The following CUBN variants were observed in gnomAD, a reference collection of about 807,000 sequenced individuals.
CUBN encodes the protein 460 kDa receptor.
Under a neutral mutation model 405.3 loss-of-function variants are expected in CUBN, and 282 were observed. The ratio of observed to expected loss-of-function variants is 0.70; its 90% CI spans 0.63 to 0.77. CUBN has a LOEUF of 0.77. Among genes scored for constraint, CUBN ranks in the 30% least tolerant of loss-of-function variants. CUBN has a pLI of 0.00. For synonymous variants in CUBN, 1,684 were observed against 1,617.0 expected, an observed-to-expected ratio of 1.04 and a Z score of -0.99; for missense variants, 4,514 against 4,475.2, an observed-to-expected ratio of 1.01 and a Z score of -0.25.
intron 23 of CUBN, among the ~76,000 whole-genome samples, chr10:17,046,861 T>A (rs1384964793): frequency 6.6e-6 from 1 of 152,182 alleles, no homozygotes; most frequent in African/African-American, 2.4e-5. Flanking sequence ...GGAGAGATAG[T>A]AACATATAAG....
At chr10:17,125,323 A>G (rs1837154363) in intron 4 of CUBN, among the ~76,000 whole-genome samples, 1 of 152,176 alleles carries the variant, frequency 6.6e-6, no homozygotes, top group African/African-American at 2.4e-5. Context: ...CCTTCATTTT[A>G]TGGATGAAAT....
intron 28 of CUBN, among the ~76,000 whole-genome samples, chr10:16,998,071 AGAAG>A (rs1833783497): frequency 6.6e-6 from 1 of 152,202 alleles, no homozygotes; most frequent in Non-Finnish European, 1.5e-5. Flanking sequence ...TTGAGAAAAA[AGAAG>A]GAAGAAAGAA....
intron 56 of CUBN, among the ~76,000 whole-genome samples, chr10:16,883,608 A>T (rs1180271161): frequency 6.6e-6 from 1 of 152,226 alleles, no homozygotes; most frequent in East Asian, 1.9e-4. Flanking sequence ...CAAAAAGAAA[A>T]ATCTAAAACT....
At chr10:17,051,847 GA>G (rs1390248782) in intron 22 of CUBN, among the ~76,000 whole-genome samples, 1 of 151,900 alleles carries the variant, frequency 6.6e-6, no homozygotes. Flanking sequence ...TAGAGAACCA[GA>G]AGAAGAAGGT....
chr10:17,115,534 C>T lies in CUBN; in HGVS notation c.657G>A (p.Gly219=), dbSNP rs142553474. ...QCASKYDDCE[G]GSVARCVHGI... is the part of the protein sequence containing the mutation. Reference sequence around the variant, plus strand: ...CATGGACACAGCGTGCCACAGAACCCCCTTCACAGTCGTCATATTTGGATG... The same window carrying T: ...CATGGACACAGCGTGCCACAGAACCTCCTTCACAGTCGTCATATTTGGATG... Residue 219 remains glycine (G), a synonymous_variant, in exon 7 of 67, where the codon GGG becomes GGA. Coordinates refer to ENST00000377833, the MANE Select transcript of CUBN (RefSeq NM_001081.4). 1,546 of 1,614,146 alleles carry T rather than the reference C, an allele frequency of 9.6e-4. 19 individuals carry two copies. The African/African-American group carries it at 0.018, about 19-fold the overall frequency.
chr10:16,837,670 A>C (rs1412575751), intron 62 of CUBN, among the ~76,000 whole-genome samples: 1 of 151,928 alleles, frequency 6.6e-6, no homozygotes, highest in Non-Finnish European at 1.5e-5. Context: ...TAACCACCCT[A>C]CACATCATTC....
chr10:16,886,610 C>T (rs1276177829), intron 56 of CUBN, among the ~76,000 whole-genome samples: 2 of 152,132 alleles, frequency 1.3e-5, no homozygotes, highest in South Asian at 2.1e-4. Context: ...CCCAAATCGG[C>T]ATCTCTACTG....
At chr10:17,126,678 T>C (rs1213102282) in intron 4 of CUBN, 83 bp downstream of exon 4, 1 of 1,450,860 alleles carries the variant, frequency 6.9e-7, no homozygotes, top group Non-Finnish European at 9.7e-7. Context: ...TCCATTCACC[T>C]TCAAAATAAG....
At chr10:16,982,168 T>A (rs560668330) in intron 31 of CUBN, among the ~76,000 whole-genome samples, 32 of 152,184 alleles carry the variant, frequency 2.1e-4, no homozygotes, top group African/African-American at 6.7e-4. Flanking sequence ...TTTTCAGAGG[T>A]AGACTCAGGT....
intron 6 of CUBN, chr10:17,122,416 A>C (rs1211063757): frequency 2.8e-6 from 1 of 354,884 alleles, no homozygotes; most frequent in Non-Finnish European, 5.7e-6. Context: ...AGCTGGGGAC[A>C]CTGGTGTGGT....
intron 54 of CUBN, among the ~76,000 whole-genome samples, chr10:16,891,714 G>A (rs202051308): frequency 2.0e-5 from 3 of 151,718 alleles, no homozygotes; most frequent in East Asian, 1.9e-4. Context: ...AAACTTGGGG[G>A]AAAAAAACCC....
At chr10:17,071,225 T>G (rs1212205202) in intron 19 of CUBN, among the ~76,000 whole-genome samples, 1 of 152,194 alleles carries the variant, frequency 6.6e-6, no homozygotes, top group African/African-American at 2.4e-5. Flanking sequence ...CAAATCTCAC[T>G]TAATCATGGT....
intron 28 of CUBN, among the ~76,000 whole-genome samples, chr10:16,990,751 A>G (rs1424316095): frequency 6.6e-6 from 1 of 152,232 alleles, no homozygotes; most frequent in Non-Finnish European, 1.5e-5. Flanking sequence ...ATTTAGTACA[A>G]TAATGCTCGA....
At chr10:16,934,386 A>G (rs539190696) in intron 39 of CUBN, among the ~76,000 whole-genome samples, 2 of 152,324 alleles carry the variant, frequency 1.3e-5, no homozygotes, top group South Asian at 4.1e-4. Context: ...TTTGAATCTT[A>G]TCAGGGCCAA....
intron 28 of CUBN, among the ~76,000 whole-genome samples, chr10:16,992,979 C>G (rs1267649420): frequency 6.6e-6 from 1 of 152,170 alleles, no homozygotes; most frequent in African/African-American, 2.4e-5. Flanking sequence ...TCTCCTGTAC[C>G]AATGCCCAAC....
Position 16,900,819 on chromosome 10 carries a change from T to C in CUBN, c.8216A>G (p.His2739Arg). 1 of 1,613,952 alleles carries C rather than the reference T, an allele frequency of 6.2e-7. No individual in the cohort carries two copies. The highest frequency in any genetic ancestry group is 8.5e-7 in the Non-Finnish European group (1 of 1,179,924). The change falls in exon 53 of 67, where the codon CAT becomes CGT. Residue 2739 changes from histidine to arginine, a missense_variant. This residue lies in a region of CUBN where 1,186 missense variants were observed against 1,186.9 expected (regional missense o/e 1.00). Coordinates refer to ENST00000377833, the MANE Select transcript of CUBN (RefSeq NM_001081.4). ...LTFSDFDIEP[H>R]TTCAWDSVTV... ...GACAGAGTCCCAAGCACAAGTTGTA[T>C]GGGGTTCAATATCAAAGTCACTAAA...
At chr10:17,106,787 C>T (rs1836643859) in intron 10 of CUBN, among the ~76,000 whole-genome samples, 1 of 152,146 alleles carries the variant, frequency 6.6e-6, no homozygotes, top group Non-Finnish European at 1.5e-5. Flanking sequence ...GTGTGGCTTA[C>T]ACAGGCAGGC....
At chr10:16,874,279 C>G in intron 58 of CUBN, 95 bp downstream of exon 58, 1 of 1,292,908 alleles carries the variant, frequency 7.7e-7, no homozygotes. Context: ...TCCAGACTGC[C>G]GATGAGAATC....
At chr10:17,085,069 T>TA (rs146732159) in intron 16 of CUBN, among the ~76,000 whole-genome samples, 16,508 of 152,230 alleles carry the variant, frequency 0.11, 929 homozygotes, top group African/African-American at 0.12. Context: ...TCCACTTCCC[T>TA]AAAAAAATCC....
Sources: gnomAD v4.1 joint callset for allele counts (sites outside exome capture counted in the v4.1 genomes callset) on GRCh38, gnomAD v4.1.1 for gene constraint, gnomAD v4.1.1 regional missense constraint, MANE v1.5 for transcripts, NCBI Gene and HGNC (gene_info 2026-07-23, HGNC 2026-07-21) for gene names.